Variants in LARGE1 observed in about 807,000 individuals in gnomAD.
LARGE1 encodes xylosyl- and glucuronyltransferase LARGE1.
A neutral mutation model predicts 87.6 loss-of-function variants in LARGE1; 43 were observed. The observed-to-expected ratio is 0.49, with a 90% CI of 0.38 to 0.63. LARGE1 has a LOEUF of 0.63. LARGE1 is among the 30% of genes least tolerant of loss of function. The pLI, the probability that LARGE1 is intolerant of heterozygous loss-of-function variation, is 0.00. For synonymous variants in LARGE1, 434 were observed against 394.6 expected (o/e 1.10, Z -1.18); for missense variants, 802 against 1,000.2 (o/e 0.80, Z 2.67).
At chr22:33,596,890 A>G (rs1006671058) in intron 5 of LARGE1, among the ~76,000 whole-genome samples, 5 of 152,208 alleles carry the variant, frequency 3.3e-5, no homozygotes, top group African/African-American at 1.2e-4. Flanking sequence ...ACCCATTTTG[A>G]TAGGCTATTT....
rs537327855 is a variant in LARGE1 at position 33,180,414 on chromosome 22, T to C, written c.1731-13582A>G. ...AAGAATGGTTATGATTTTAAAACGA[T>C]AACAGGTGCTGATTAGATCATAGAG... On this transcript the variant is annotated intron_variant, in intron 11 of 11. Coordinates refer to the LARGE1 transcript ENST00000608642. Among the ~76,000 whole-genome samples the C allele has an allele frequency of 5.3e-5, 8 of 152,342 alleles. No individual in the cohort carries two copies. The East Asian group carries it at 1.5e-3, about 29-fold the overall frequency.
At chr22:33,240,004 G>C (rs186425275) in intron 11 of LARGE1, among the ~76,000 whole-genome samples, 128 of 152,312 alleles carry the variant, frequency 8.4e-4, no homozygotes, top group Middle Eastern at 3.4e-3. Flanking sequence ...GTTCTAGGGA[G>C]CCAGACGCCT....
chr22:33,829,151 G>A (rs1233272404), intron 1 of LARGE1, among the ~76,000 whole-genome samples: 2 of 151,502 alleles, frequency 1.3e-5, no homozygotes, highest in Non-Finnish European at 2.9e-5. Context: ...TGGGATTACA[G>A]GCACGTGCCA....
intron 1 of LARGE1, among the ~76,000 whole-genome samples, chr22:33,905,201 C>T (rs1238420378): frequency 4.6e-5 from 7 of 151,538 alleles, no homozygotes; most frequent in Non-Finnish European, 7.4e-5. Flanking sequence ...GTAGATGGGA[C>T]CACAGGCATG....
intron 2 of LARGE1, chr22:33,724,783 G>A (rs1291895453): frequency 6.6e-6 from 1 of 152,262 alleles, no homozygotes; most frequent in African/African-American, 2.4e-5. Flanking sequence ...TAAGTGTACT[G>A]AACATGACCA....
intron 1 of LARGE1, among the ~76,000 whole-genome samples, chr22:33,845,997 A>C (rs1192808596): frequency 6.6e-6 from 1 of 152,120 alleles, no homozygotes; most frequent in South Asian, 2.1e-4. Context: ...CCCCTTTACA[A>C]TTTCCTTGGT....
At chr22:33,776,283 G>A (rs1316233757) in intron 1 of LARGE1, among the ~76,000 whole-genome samples, 1 of 152,180 alleles carries the variant, frequency 6.6e-6, no homozygotes, top group African/African-American at 2.4e-5. Context: ...GCCACAGGCA[G>A]GCAGGTGGTG....
intron 2 of LARGE1, among the ~76,000 whole-genome samples, chr22:33,709,941 T>G (rs1479381868): frequency 6.7e-6 from 1 of 150,124 alleles, no homozygotes; most frequent in Non-Finnish European, 1.5e-5. Flanking sequence ...AATGCTACTT[T>G]GATGTACTTT....
chr22:33,533,465 T>G (rs1349023032), intron 6 of LARGE1, among the ~76,000 whole-genome samples: 1 of 152,162 alleles, frequency 6.6e-6, no homozygotes, highest in East Asian at 1.9e-4. Context: ...CTGCCTCGAT[T>G]GGCATACAGT....
chr22:33,845,737 A>T (rs1480902203), intron 1 of LARGE1, among the ~76,000 whole-genome samples: 1 of 152,132 alleles, frequency 6.6e-6, no homozygotes, highest in Non-Finnish European at 1.5e-5. Flanking sequence ...TGTACCTATG[A>T]CCCAATATCA....
chr22:33,301,326 T>C (rs1484261935), intron 12 of LARGE1, among the ~76,000 whole-genome samples: 2 of 152,156 alleles, frequency 1.3e-5, no homozygotes, highest in East Asian at 3.8e-4. Context: ...CTAGGAATTG[T>C]CTAGGTCAGA....
At chr22:33,790,299 A>G (rs186954302) in intron 1 of LARGE1, among the ~76,000 whole-genome samples, 4 of 152,274 alleles carry the variant, frequency 2.6e-5, no homozygotes, top group Non-Finnish European at 5.9e-5. Flanking sequence ...TGAGTCCATT[A>G]AACCTTTTTC....
At chr22:33,305,924 C>T (rs1036601059) in intron 11 of LARGE1, among the ~76,000 whole-genome samples, 19 of 151,130 alleles carry the variant, frequency 1.3e-4, no homozygotes, top group African/African-American at 3.7e-4. Context: ...CTGCAAGCTC[C>T]GCCTCCCGGG....
the LARGE1 span, among the ~76,000 whole-genome samples, chr22:33,128,161 C>T: frequency 0.018 from 2,684 of 152,194 alleles, 86 homozygotes; most frequent in African/African-American, 0.062. Flanking sequence ...TTTTACACTG[C>T]TGGTGGGAAT....
chr22:33,168,354 A>C (rs1260485532), intron 11 of LARGE1, among the ~76,000 whole-genome samples: 3 of 152,228 alleles, frequency 2.0e-5, no homozygotes, highest in Non-Finnish European at 2.9e-5. Context: ...ATATAAGGCC[A>C]AAGTAAAGAG....
At chr22:33,553,205 G>A (rs1051341899) in intron 6 of LARGE1, among the ~76,000 whole-genome samples, 2 of 152,270 alleles carry the variant, frequency 1.3e-5, no homozygotes, top group Non-Finnish European at 2.9e-5. Context: ...ATCTTATTGT[G>A]ATTACAATAA....
intron 1 of LARGE1, among the ~76,000 whole-genome samples, chr22:33,901,747 G>T (rs943995763): frequency 3.9e-5 from 6 of 152,204 alleles, no homozygotes; most frequent in African/African-American, 2.4e-5. Context: ...AGATAAAGGG[G>T]TGATGATACA....
intron 11 of LARGE1, among the ~76,000 whole-genome samples, chr22:33,202,238 C>G (rs889487689): frequency 6.6e-6 from 1 of 152,190 alleles, no homozygotes; most frequent in Non-Finnish European, 1.5e-5. Context: ...CTCCCCACTC[C>G]CAACTTTAGA....
At chr22:33,194,775 A>G (rs1158081362) in intron 11 of LARGE1, among the ~76,000 whole-genome samples, 2 of 152,196 alleles carry the variant, frequency 1.3e-5, no homozygotes, top group Non-Finnish European at 2.9e-5. Flanking sequence ...AAACTTCCAT[A>G]TTCCAACTGC....
Sources: gnomAD v4.1 joint callset for allele counts (sites outside exome capture counted in the v4.1 genomes callset) on GRCh38, gnomAD v4.1.1 for gene constraint, MANE v1.5 for transcripts, NCBI Gene and HGNC (gene_info 2026-07-23, HGNC 2026-07-21) for gene names.